The following NBEA variants were observed in gnomAD, a reference collection of about 807,000 sequenced individuals.
NBEA encodes the protein neurobeachin.
NBEA carries 44 observed loss-of-function variants against 343.4 expected under a neutral mutation model. The ratio of observed to expected loss-of-function variants is 0.13; its 90% CI spans 0.10 to 0.16. The LOEUF (loss-of-function observed/expected upper bound fraction) is 0.16. Among genes scored for constraint, NBEA ranks in the 10% least tolerant of loss-of-function variants. The pLI is 1.00. For synonymous variants in NBEA, 1,175 were observed against 1,238.7 expected (o/e 0.95, Z 1.08); for missense variants, 2,555 against 3,631.3 (o/e 0.70, Z 7.62).
At chr13:35,238,623 T>A (rs59312208) in intron 34 of NBEA, among the ~76,000 whole-genome samples, 6,810 of 152,246 alleles carry the variant, frequency 0.045, 174 homozygotes, top group South Asian at 0.078. Flanking sequence ...GTTAGGTGTC[T>A]GACCCTGTCA....
intron 1 of NBEA, among the ~76,000 whole-genome samples, chr13:34,968,037 T>A (rs1196367900): frequency 1.3e-5 from 2 of 152,086 alleles, no homozygotes; most frequent in Non-Finnish European, 2.9e-5. Context: ...TCCCTCAGGT[T>A]CTGTAATCAC....
chr13:35,185,465 A>G (rs1040358428), intron 30 of NBEA: 2 of 152,158 alleles, frequency 1.3e-5, no homozygotes, highest in Non-Finnish European at 2.9e-5. Flanking sequence ...ATGAAGGGAA[A>G]AATATTTTTT....
chr13:35,110,595 A>G (rs1471818439), intron 12 of NBEA, among the ~76,000 whole-genome samples: 1 of 152,120 alleles, frequency 6.6e-6, no homozygotes, highest in East Asian at 1.9e-4. Context: ...CTGTTGGACT[A>G]CCTCTATTAT....
intron 39 of NBEA, among the ~76,000 whole-genome samples, chr13:35,451,869 C>T (rs1470093418): frequency 6.6e-6 from 1 of 152,152 alleles, no homozygotes; most frequent in African/African-American, 2.4e-5. Flanking sequence ...CTTCCTCTGC[C>T]TGTTTCCTCA....
At chr13:35,443,632 G>C (rs1360502884) in intron 39 of NBEA, among the ~76,000 whole-genome samples, 4 of 151,694 alleles carry the variant, frequency 2.6e-5, no homozygotes, top group African/African-American at 9.7e-5. Context: ...AATGTATTTG[G>C]AACAACAAAT....
intron 47 of NBEA, among the ~76,000 whole-genome samples, chr13:35,602,445 A>C (rs1201101541): frequency 6.6e-6 from 1 of 151,844 alleles, no homozygotes; most frequent in Admixed American, 6.6e-5. Flanking sequence ...ACTATCCCCA[A>C]CTCTGGACTT....
intron 44 of NBEA, among the ~76,000 whole-genome samples, chr13:35,561,857 G>A (rs76207347): frequency 0.012 from 1,832 of 151,994 alleles, 7 homozygotes; most frequent in Middle Eastern, 0.037. Context: ...TCCCGGAAAC[G>A]TATTTAAAAG....
At chr13:35,615,163 C>T (rs1458543212) in intron 48 of NBEA, among the ~76,000 whole-genome samples, 2 of 144,250 alleles carry the variant, frequency 1.4e-5, no homozygotes, top group Non-Finnish European at 3.1e-5. Context: ...ATTAACAAGG[C>T]ATGGTGGTAC....
At chr13:35,209,322 A>ATAT (rs2073610163) in intron 32 of NBEA, among the ~76,000 whole-genome samples, 1 of 152,174 alleles carries the variant, frequency 6.6e-6, no homozygotes, top group Non-Finnish European at 1.5e-5. Context: ...AACCTTGACG[A>ATAT]TATGCAAGCG....
At chr13:35,334,564 C>T (rs951129788) in intron 36 of NBEA, among the ~76,000 whole-genome samples, 7 of 152,156 alleles carry the variant, frequency 4.6e-5, no homozygotes, top group Non-Finnish European at 7.4e-5. Flanking sequence ...GCCACCATGC[C>T]CAGCCTCGTT....
intron 34 of NBEA, among the ~76,000 whole-genome samples, chr13:35,265,719 T>TA (rs2033616214): frequency 6.6e-6 from 1 of 151,726 alleles, no homozygotes. Context: ...GAAAATGAAT[T>TA]AAAAACTTAA....
At chr13:35,408,219 T>C (rs1304320483) in intron 38 of NBEA, among the ~76,000 whole-genome samples, 1 of 152,128 alleles carries the variant, frequency 6.6e-6, no homozygotes, top group Non-Finnish European at 1.5e-5. Context: ...CATACCACTA[T>C]TTGATCTTTG....
intron 36 of NBEA, among the ~76,000 whole-genome samples, chr13:35,330,046 C>T (rs1377985571): frequency 1.3e-5 from 2 of 151,922 alleles, no homozygotes; most frequent in African/African-American, 2.4e-5. Flanking sequence ...AACTCTGTAC[C>T]CCTTGTCTTT....
chr13:35,080,675 T>A (rs1053782640), intron 10 of NBEA, among the ~76,000 whole-genome samples: 1 of 152,144 alleles, frequency 6.6e-6, no homozygotes, highest in African/African-American at 2.4e-5. Context: ...AGGTAGCACA[T>A]CTTTAATATA....
At chr13:35,032,841 G>C (rs2062286821) in intron 1 of NBEA, among the ~76,000 whole-genome samples, 2 of 151,178 alleles carry the variant, frequency 1.3e-5, no homozygotes, top group Non-Finnish European at 3.0e-5. Context: ...TGCTCATCTT[G>C]GTTTGGATTA....
chr13:35,550,198 A>G (rs1160960726), intron 41 of NBEA, among the ~76,000 whole-genome samples: 1 of 152,194 alleles, frequency 6.6e-6, no homozygotes, highest in African/African-American at 2.4e-5. Context: ...ACCTGGTCCA[A>G]TTAATTATAT....
Position 35,071,582 on chromosome 13 carries a change from T to G in NBEA, c.1571+730T>G, listed in dbSNP as rs1593250266. Among the ~76,000 whole-genome samples, 3 of 152,170 alleles carry G rather than the reference T, an allele frequency of 2.0e-5. No individual in the cohort carries two copies. The East Asian group carries it at 5.8e-4, about 29-fold the overall frequency. On this transcript the variant is annotated intron_variant, in intron 10 of 58. Transcript: ENST00000379939. ...ATACACATTGCCATGCTTGGGGATT[T>G]TAATGGGCAAGTTATATAGATAAGC...
At position 35,654,856 on chromosome 13, in the gene NBEA, C is replaced by G. The variant is rs2084736918; in HGVS notation, c.8037C>G (p.Ala2679=). Reference sequence around the variant, plus strand: ...ATGCTTTTTTCCATTTACTTTTAGCCAATAATTCAGGTGTAAACAAACGGC... The same window carrying G: ...ATGCTTTTTTCCATTTACTTTTAGCGAATAATTCAGGTGTAAACAAACGGC... ...HLPIEMDPLI[A]NNSGVNKRQI... The change falls in exon 54 of 59, where the codon GCC becomes GCG. Residue 2679 remains alanine (A), a splice_region_variant and synonymous_variant. Transcript: ENST00000379939. 1 of 1,564,890 alleles carries G rather than the reference C, an allele frequency of 6.4e-7. No homozygotes were observed. The highest frequency in any genetic ancestry group is 1.4e-5 in the African/African-American group (1 of 71,790).
intron 49 of NBEA, among the ~76,000 whole-genome samples, chr13:35,637,686 G>A (rs1484780723): frequency 1.3e-5 from 2 of 152,094 alleles, no homozygotes; most frequent in Non-Finnish European, 2.9e-5. Context: ...GCCGGGCATG[G>A]TGGCAGGCAC....
Sources: allele counts gnomAD v4.1 joint callset (sites outside exome capture counted in the v4.1 genomes callset), GRCh38; gene constraint gnomAD v4.1.1; transcripts MANE v1.5; gene names NCBI Gene and HGNC (gene_info 2026-07-23, HGNC 2026-07-21).